PIP4K2A: variants seen among roughly 807,000 people sequenced by gnomAD.
PIP4K2A encodes phosphatidylinositol 5-phosphate 4-kinase type-2 alpha.
PIP4K2A carries 14 observed loss-of-function variants against 42.9 expected under a neutral mutation model. That is an observed-to-expected ratio of 0.33 (90% CI 0.22 to 0.51). The LOEUF is 0.51. Among genes scored for constraint, PIP4K2A ranks in the 20% least tolerant of loss-of-function variants. The pLI is 0.97. For missense variants in PIP4K2A, 434 were observed against 519.8 expected (o/e 0.83, Z 1.61); for synonymous variants, 192 against 192.2 (o/e 1.00, Z 0.01).
intron 1 of PIP4K2A, among the ~76,000 whole-genome samples, chr10:22,640,010 TTGTC>T (rs1305245832): frequency 3.8e-4 from 48 of 124,936 alleles, no homozygotes; most frequent in African/African-American, 1.3e-3. Flanking sequence ...CATGGATGTG[TTGTC>T]TTTTTTTTTT....
At chr10:22,543,543 TC>T (rs1314070898) in intron 7 of PIP4K2A, among the ~76,000 whole-genome samples, 1 of 152,102 alleles carries the variant, frequency 6.6e-6, no homozygotes, top group African/African-American at 2.4e-5. Context: ...CCACTGCTCA[TC>T]CCCCCTGGTC....
chr10:22,540,203 G>A (rs921886084), intron 8 of PIP4K2A, 129 bp from the exon 9 acceptor site: 2 of 662,654 alleles, frequency 3.0e-6, no homozygotes, highest in Admixed American at 2.2e-5. Context: ...GATGGAAGGA[G>A]TCCAGAGACA....
intron 4 of PIP4K2A, among the ~76,000 whole-genome samples, chr10:22,578,827 T>C (rs868621958): frequency 6.6e-6 from 1 of 152,188 alleles, no homozygotes. Context: ...GTAAAAACCA[T>C]TTCATATACA....
chr10:22,708,217 G>A (rs1833855092), intron 1 of PIP4K2A, among the ~76,000 whole-genome samples: 1 of 152,182 alleles, frequency 6.6e-6, no homozygotes, highest in African/African-American at 2.4e-5. Context: ...AAGTCTTTAA[G>A]CTTTCACAGC....
intron 1 of PIP4K2A, among the ~76,000 whole-genome samples, chr10:22,646,718 C>T (rs1336971626): frequency 6.6e-6 from 1 of 152,132 alleles, no homozygotes; most frequent in Non-Finnish European, 1.5e-5. Flanking sequence ...CCAAAGTGGG[C>T]CCCAGGATCT....
intron 1 of PIP4K2A, among the ~76,000 whole-genome samples, chr10:22,684,969 G>A (rs1461191731): frequency 6.6e-6 from 1 of 152,154 alleles, no homozygotes; most frequent in African/African-American, 2.4e-5. Context: ...GCTAGTAAGG[G>A]TTATTTTTAC....
intron 1 of PIP4K2A, among the ~76,000 whole-genome samples, chr10:22,625,648 C>G (rs1284625552): frequency 6.6e-6 from 1 of 152,148 alleles, no homozygotes; most frequent in South Asian, 2.1e-4. Context: ...ATTTGTGATA[C>G]GATCCTCTCC....
chr10:22,696,997 A>T (rs569993269), intron 1 of PIP4K2A, among the ~76,000 whole-genome samples: 1 of 152,324 alleles, frequency 6.6e-6, no homozygotes, highest in South Asian at 2.1e-4. Flanking sequence ...CTGTCACAAT[A>T]AAATACATCC....
At position 22,536,434 on chromosome 10, in the gene PIP4K2A, C is replaced by T. The variant is rs1397644330; in HGVS notation, c.*767G>A. On this transcript the variant is annotated 3_prime_UTR_variant, in exon 10 of 10. Transcript: ENST00000376573. ...GAGGTGAAAAATGTATAGAGAATCA[C>T]TGGGGCATCAGCTGCTTGTTGCGGG... 4.2e-6 allele frequency: 1 copy of T among 238,254 alleles called. No homozygotes were observed. The highest frequency in any genetic ancestry group is 8.0e-6 in the Non-Finnish European group (1 of 124,968). 14.8% of individuals were successfully genotyped at this position (238,254 alleles called of 1,614,324 possible). A position where few individuals can be genotyped will look rare whatever the true frequency, so the allele number is the denominator to read the frequency against.
chr10:22,616,913 G>A (rs980651804), intron 1 of PIP4K2A, among the ~76,000 whole-genome samples: 1 of 152,174 alleles, frequency 6.6e-6, no homozygotes, highest in Admixed American at 6.5e-5. Context: ...AAATCTTAAT[G>A]AATCATACAC....
At chr10:22,691,624 G>C (rs1839870434) in intron 1 of PIP4K2A, 1 of 152,116 alleles carries the variant, frequency 6.6e-6, no homozygotes, top group Non-Finnish European at 1.5e-5. Context: ...TGCCCTACCT[G>C]ATTCCACAGT....
chr10:22,536,410 AG>A lies in PIP4K2A; in HGVS notation c.*790del. On this transcript the variant is annotated 3_prime_UTR_variant, in exon 10 of 10. Transcript: ENST00000376573. ...GCAGTTTTCCTGGACATATTGGCCG[AG>A]GTGAAAAATGTATAGAGAATCACTG... The A allele has an allele frequency of 3.6e-6, 1 of 279,712 alleles. No homozygotes were observed. Among genetic ancestry groups the A allele is most frequent in the Non-Finnish European group, 6.6e-6 (1 of 151,248 alleles). The allele number at this position is 279,712 out of a possible 1,614,324, so 17.3% of individuals were successfully genotyped here.
intron 6 of PIP4K2A, among the ~76,000 whole-genome samples, chr10:22,566,033 A>G (rs564793350): frequency 1.3e-5 from 2 of 152,254 alleles, no homozygotes; most frequent in East Asian, 3.9e-4. Context: ...TTCATTAGCA[A>G]TTTTAATTTC....
rs371040648 is a variant in PIP4K2A at position 22,652,284 on chromosome 10, A to AT, written c.145-42568dup. Among the ~76,000 whole-genome samples the AT allele has an allele frequency of 5.7e-3, 869 of 151,868 alleles. 5 individuals are homozygous for AT. Among genetic ancestry groups the AT allele is most frequent in the African/African-American group, 0.02 (820 of 41,400 alleles). On this transcript the variant is annotated intron_variant, in intron 1 of 9. Coordinates refer to ENST00000376573, the MANE Select transcript of PIP4K2A (RefSeq NM_005028.5). ...ACTACAGGTGCGCACCACCATGCCT[A>AT]TTTTTTTGGTATTTTTAGTAGAGAC...
Position 22,537,102 on chromosome 10 carries a change from G to A in PIP4K2A, c.*99C>T. The A allele has an allele frequency of 1.1e-6, 1 of 872,474 alleles. No homozygotes were observed. Among genetic ancestry groups the A allele is most frequent in the Non-Finnish European group, 1.8e-6 (1 of 548,472 alleles). 54.0% of individuals were successfully genotyped at this position (872,474 alleles called of 1,614,324 possible). ...ATGTAAACAAGGAGGTTTGCTTCCT[G>A]CAAGATGAGTACTTCACTGAGTTTG... On this transcript the variant is annotated 3_prime_UTR_variant, in exon 10 of 10. Transcript: ENST00000376573.
At chr10:22,669,256 G>C (rs1166261762) in intron 1 of PIP4K2A, among the ~76,000 whole-genome samples, 2 of 152,136 alleles carry the variant, frequency 1.3e-5, no homozygotes, top group Non-Finnish European at 2.9e-5. Context: ...GGTATGTATA[G>C]TTATGAGCCG....
intron 5 of PIP4K2A, chr10:22,568,985 G>A: frequency 6.6e-7 from 1 of 1,513,840 alleles, no homozygotes; most frequent in Non-Finnish European, 8.9e-7. Flanking sequence ...TGGGTTACTT[G>A]AGTTAGCCAT....
chr10:22,603,826 C>T (rs1383288456), intron 3 of PIP4K2A, among the ~76,000 whole-genome samples: 2 of 152,164 alleles, frequency 1.3e-5, no homozygotes, highest in Admixed American at 1.3e-4. Flanking sequence ...TGAAACACAC[C>T]TTTAAAGTAT....
At chr10:22,673,268 A>C (rs950653934) in intron 1 of PIP4K2A, among the ~76,000 whole-genome samples, 2 of 152,244 alleles carry the variant, frequency 1.3e-5, no homozygotes, top group African/African-American at 4.8e-5. Flanking sequence ...TCTTATAATT[A>C]TGCTTATCTC....
Sources: allele counts gnomAD v4.1 joint callset (sites outside exome capture counted in the v4.1 genomes callset), GRCh38; gene constraint gnomAD v4.1.1; transcripts MANE v1.5; gene names NCBI Gene and HGNC (gene_info 2026-07-23, HGNC 2026-07-21).